YEATS2: variants seen among roughly 807,000 people sequenced by gnomAD.
YEATS2 encodes YEATS domain-containing protein 2.
A neutral mutation model predicts 163.2 loss-of-function variants in YEATS2; 77 were observed. That is an observed-to-expected ratio of 0.47 (90% CI 0.39 to 0.57). YEATS2 has a LOEUF of 0.57. Ranked by LOEUF, YEATS2 falls within the 20% of genes least tolerant of loss-of-function variation. YEATS2 has a pLI of 0.00. For synonymous variants in YEATS2, 631 were observed against 645.1 expected (o/e 0.98, Z 0.33); for missense variants, 1,549 against 1,729.8 (o/e 0.90, Z 1.85).
chr3:183,795,215 C>T (rs1248480934), intron 21 of YEATS2, among the ~76,000 whole-genome samples: 4 of 151,446 alleles, frequency 2.6e-5, no homozygotes, highest in Admixed American at 2.6e-4. Context: ...ACCATCTACC[C>T]TAATAGTAAA....
chr3:183,799,982 G>A (rs895228534), intron 23 of YEATS2, among the ~76,000 whole-genome samples: 32 of 151,912 alleles, frequency 2.1e-4, no homozygotes, highest in East Asian at 5.8e-4. Flanking sequence ...ACAGGCGCCC[G>A]CCACCACGCC....
intron 1 of YEATS2, among the ~76,000 whole-genome samples, chr3:183,702,335 C>T (rs1714182772): frequency 6.6e-6 from 1 of 152,048 alleles, no homozygotes; most frequent in African/African-American, 2.4e-5. Flanking sequence ...ACCCCAGCTA[C>T]TTGGGAGGCT....
intron 1 of YEATS2, among the ~76,000 whole-genome samples, chr3:183,711,069 A>T (rs926632707): frequency 1.3e-5 from 2 of 152,036 alleles, no homozygotes; most frequent in South Asian, 2.1e-4. Flanking sequence ...ATTTTTTTTT[A>T]AAGTTGTCTT....
intron 6 of YEATS2, among the ~76,000 whole-genome samples, chr3:183,725,550 C>CT (rs1241529242): frequency 1.3e-5 from 2 of 152,220 alleles, no homozygotes; most frequent in Non-Finnish European, 2.9e-5. Flanking sequence ...AAAGCCATGT[C>CT]TTAAGTGGAG....
At chr3:183,751,803 A>G (rs367927500) in intron 9 of YEATS2, among the ~76,000 whole-genome samples, 2 of 152,192 alleles carry the variant, frequency 1.3e-5, no homozygotes, top group Admixed American at 6.5e-5. Flanking sequence ...AGGAGTAGCA[A>G]CAGCAAAATC....
chr3:183,725,424 T>C (rs2109082575), intron 6 of YEATS2, among the ~76,000 whole-genome samples: 1 of 152,348 alleles, frequency 6.6e-6, no homozygotes, highest in African/African-American at 2.4e-5. Context: ...GTTTTCACAC[T>C]GCTAATATAG....
At chr3:183,724,587 T>G (rs576155803) in intron 6 of YEATS2, 56 bp downstream of exon 6, 1 of 1,307,748 alleles carries the variant, frequency 7.6e-7, no homozygotes, top group South Asian at 1.3e-5. Flanking sequence ...TATTTTGGCA[T>G]TAATACTCTT....
chr3:183,699,594 A>G (rs1713853074), intron 1 of YEATS2, among the ~76,000 whole-genome samples: 1 of 152,060 alleles, frequency 6.6e-6, no homozygotes, highest in African/African-American at 2.4e-5. Flanking sequence ...ATGATATTCA[A>G]AGGTATGGTG....
intron 13 of YEATS2, 33 bp downstream of exon 13, chr3:183,758,998 A>G (rs1721062776): frequency 7.4e-7 from 1 of 1,355,084 alleles, no homozygotes; most frequent in Non-Finnish European, 1.0e-6. Context: ...ACACTTTGCT[A>G]GCTTCTTTTT....
intron 7 of YEATS2, among the ~76,000 whole-genome samples, chr3:183,733,321 AGTT>A (rs980545804): frequency 2.0e-5 from 3 of 152,158 alleles, no homozygotes; most frequent in African/African-American, 7.2e-5. Context: ...TTCTTTGTAC[AGTT>A]GTTTAGATAC....
chr3:183,798,130 G>A lies in YEATS2; in HGVS notation c.3226+79G>A. 1.3e-6 allele frequency: 2 copies of A among 1,585,442 alleles called. 1 individual carries two copies. On this transcript the variant is annotated intron_variant, in intron 22 of 30. Transcript: ENST00000305135. ...GCATTTACCAGGTGGTGACTGCTCTGCCTGTGTACAGCCACCCTTCAGCTG... is the reference window on the plus strand; with the variant it reads ...GCATTTACCAGGTGGTGACTGCTCTACCTGTGTACAGCCACCCTTCAGCTG...
At chr3:183,801,261 T>A (rs1188883543) in intron 24 of YEATS2, 194 bp from the exon 25 acceptor site, 1 of 444,212 alleles carries the variant, frequency 2.3e-6, no homozygotes, top group African/African-American at 2.0e-5. Flanking sequence ...GTCTTGACAT[T>A]TTCTTTTTAA....
chr3:183,798,982 T>G lies in YEATS2; in HGVS notation c.3318T>G (p.Val1106=). 2 of 1,613,470 alleles carry G rather than the reference T, an allele frequency of 1.2e-6. No individual in the cohort carries two copies. Among genetic ancestry groups the G allele is most frequent in the Non-Finnish European group, 1.7e-6 (2 of 1,179,358 alleles). Residue 1106 remains valine (V), a synonymous_variant, in exon 23 of 31, where the codon GTT becomes GTG. Coordinates refer to ENST00000305135, the MANE Select transcript of YEATS2 (RefSeq NM_018023.5). ...TCCCCAGCTCTGCTCCAGCAGCTGT[T>G]GCAAAAGGTACGTAGGATCTCACAG... The part of the protein sequence containing the change: ...PVVPSSAPAA[V]AKVKTEPETP...
Position 183,798,698 on chromosome 3 carries a change from A to G in YEATS2, c.3227-193A>G, listed in dbSNP as rs577344319. On this transcript the variant is annotated intron_variant, in intron 22 of 30. Transcript: ENST00000305135. ...TTTAGTGACAGGCTCCCGTTTCTACAGTTGAAGATACATCTCAGTTACCCT... is the reference window on the plus strand; with the variant it reads ...TTTAGTGACAGGCTCCCGTTTCTACGGTTGAAGATACATCTCAGTTACCCT... Among the ~76,000 whole-genome samples the G allele has an allele frequency of 9.9e-5, 15 of 152,280 alleles. No individual in the cohort carries two copies. In the East Asian group the frequency reaches 2.3e-3, roughly 23 times the overall value.
chr3:183,712,290 A>G (rs1715355895), intron 1 of YEATS2, among the ~76,000 whole-genome samples: 2 of 146,680 alleles, frequency 1.4e-5, no homozygotes, highest in Admixed American at 1.5e-4. Context: ...GGCTCACTGC[A>G]ACCTGCCTTC....
chr3:183,742,401 G>T (rs1199510181), intron 8 of YEATS2, among the ~76,000 whole-genome samples: 1 of 152,126 alleles, frequency 6.6e-6, no homozygotes, highest in African/African-American at 2.4e-5. Flanking sequence ...ATTAACAGGA[G>T]TTTGGAAGAA....
At chr3:183,707,567 G>A (rs1714737979) in intron 1 of YEATS2, among the ~76,000 whole-genome samples, 1 of 151,860 alleles carries the variant, frequency 6.6e-6, no homozygotes, top group Non-Finnish European at 1.5e-5. Flanking sequence ...TTTCTTTTAA[G>A]ACTGTAGAAA....
chr3:183,734,766 A>G (rs1560250265), intron 7 of YEATS2, among the ~76,000 whole-genome samples: 1 of 152,210 alleles, frequency 6.6e-6, no homozygotes, highest in East Asian at 1.9e-4. Flanking sequence ...ATATGAATAA[A>G]TTAGTCGAGC....
chr3:183,738,901 C>T (rs1577086473), intron 8 of YEATS2, among the ~76,000 whole-genome samples: 1 of 144,808 alleles, frequency 6.9e-6, no homozygotes, highest in East Asian at 2.0e-4. Context: ...GATTTATAGT[C>T]CTTTGGGTAT....
Sources: allele counts gnomAD v4.1 joint callset (sites outside exome capture counted in the v4.1 genomes callset), GRCh38; gene constraint gnomAD v4.1.1; transcripts MANE v1.5; gene names NCBI Gene and HGNC (gene_info 2026-07-23, HGNC 2026-07-21).